DMD: variants seen among roughly 807,000 people sequenced by gnomAD.
The protein encoded by DMD is dystrophin.
A neutral mutation model predicts 330.1 loss-of-function variants in DMD; 63 were observed. The observed-to-expected ratio is 0.19, with a 90% CI of 0.16 to 0.24. DMD has a LOEUF of 0.24. Ranked by LOEUF, DMD falls within the 10% of genes least tolerant of loss-of-function variation. The probability of loss-of-function intolerance (pLI) is 1.00; values close to 1 mark genes in which losing one functional copy is unlikely to be tolerated. For synonymous variants in DMD, 1,223 were observed against 959.8 expected (o/e 1.27, Z -5.07); for missense variants, 3,344 against 2,684.1 (o/e 1.25, Z -5.43).
chrX:33,204,208 A>G (rs1274624595), intron 1 of DMD, among the ~76,000 whole-genome samples: 2 of 111,964 alleles, frequency 1.8e-5, no homozygotes, highest in Non-Finnish European at 3.8e-5. Context: ...AAGGCTGTCC[A>G]TTGATCTTAG....
At chrX:31,684,167 G>A (rs1394161322) in intron 52 of DMD, among the ~76,000 whole-genome samples, 1 of 111,751 alleles carries the variant, frequency 8.9e-6, no homozygotes, top group African/African-American at 3.3e-5. Flanking sequence ...AAATCTTACT[G>A]TAGGAGATTA....
chrX:32,106,316 A>G (rs1346431345), intron 44 of DMD, among the ~76,000 whole-genome samples: 10 of 112,036 alleles, frequency 8.9e-5, no homozygotes, highest in East Asian at 2.8e-4. Context: ...TATAAAATTA[A>G]CCTCTACCCA....
At chrX:32,060,381 T>C (rs992121737) in intron 44 of DMD, among the ~76,000 whole-genome samples, 1 of 111,514 alleles carries the variant, frequency 9.0e-6, no homozygotes, top group Non-Finnish European at 1.9e-5. Context: ...AACCAATACC[T>C]TCTACAGCTA....
intron 31 of DMD, 131 bp from the exon 32 acceptor site, chrX:32,389,805 T>G (rs1315963173): frequency 4.4e-6 from 3 of 676,203 alleles, no homozygotes; most frequent in African/African-American, 2.2e-5. Context: ...AAAGCAGTAT[T>G]TTTCCATTCA....
At chrX:32,879,649 G>A (rs1427714472) in intron 2 of DMD, among the ~76,000 whole-genome samples, 3 of 110,487 alleles carry the variant, frequency 2.7e-5, no homozygotes, top group South Asian at 4.0e-4. Flanking sequence ...GAAGTTCAGC[G>A]TTTTTGTTTT....
chrX:33,267,139 C>T (rs1044624571), intron 1 of DMD, among the ~76,000 whole-genome samples: 2 of 111,249 alleles, frequency 1.8e-5, no homozygotes, highest in African/African-American at 3.3e-5. Flanking sequence ...ACAATTTTAA[C>T]GAGGTTTCAA....
chrX:31,798,747 A>G (rs2091939399), intron 50 of DMD, among the ~76,000 whole-genome samples: 1 of 111,455 alleles, frequency 9.0e-6, no homozygotes, highest in African/African-American at 3.3e-5. Context: ...TATACATTTA[A>G]CATCATTTTA....
intron 44 of DMD, among the ~76,000 whole-genome samples, chrX:32,188,872 TG>T (rs754533638): frequency 2.6e-4 from 29 of 110,828 alleles, no homozygotes; most frequent in Non-Finnish European, 5.3e-4. Context: ...TTAACTTGGC[TG>T]GTATTGCAAG....
intron 21 of DMD, among the ~76,000 whole-genome samples, chrX:32,479,554 T>A (rs745372528): frequency 9.1e-6 from 1 of 110,492 alleles, no homozygotes; most frequent in African/African-American, 3.3e-5. Flanking sequence ...TTTGCCTGGC[T>A]CATTTCAGCT....
At chrX:32,305,261 AAC>A (rs1345329610) in intron 42 of DMD, among the ~76,000 whole-genome samples, 2 of 111,546 alleles carry the variant, frequency 1.8e-5, no homozygotes, top group African/African-American at 3.2e-5. Context: ...AGAGCTGTGA[AAC>A]AGATTCCAGA....
At chrX:32,450,775 A>G (rs776752524) in intron 26 of DMD, among the ~76,000 whole-genome samples, 4 of 111,289 alleles carry the variant, frequency 3.6e-5, no homozygotes, top group Non-Finnish European at 5.7e-5. Context: ...ATTACAATTT[A>G]TGCTCATTAT....
chrX:31,367,192 CG>C (rs1480134097), intron 60 of DMD, among the ~76,000 whole-genome samples: 1 of 111,050 alleles, frequency 9.0e-6, no homozygotes, highest in Non-Finnish European at 1.9e-5. Flanking sequence ...ATAAAATAAC[CG>C]GGGGAAAATC....
intron 50 of DMD, among the ~76,000 whole-genome samples, chrX:31,776,177 G>A (rs2090646552): frequency 9.0e-6 from 1 of 111,429 alleles, no homozygotes; most frequent in Non-Finnish European, 1.9e-5. Flanking sequence ...AGGATGAAAA[G>A]AGAGCTAAAT....
intron 9 of DMD, among the ~76,000 whole-genome samples, chrX:32,692,811 C>A (rs1444273430): frequency 1.8e-5 from 2 of 111,881 alleles, no homozygotes; most frequent in East Asian, 2.8e-4. Context: ...TCAGATCAGA[C>A]CACAAAATCT....
chrX:32,732,379 A>T (rs1480666767), intron 7 of DMD, among the ~76,000 whole-genome samples: 1 of 110,994 alleles, frequency 9.0e-6, no homozygotes, highest in African/African-American at 3.3e-5. Flanking sequence ...CTAGCAAGGC[A>T]GGCCAACATT....
chrX:32,500,037 C>T (rs1444762911), intron 19 of DMD, among the ~76,000 whole-genome samples: 2 of 110,472 alleles, frequency 1.8e-5, no homozygotes, highest in Admixed American at 9.7e-5. Flanking sequence ...AGCCTAATGA[C>T]GTATCAGTTC....
chrX:32,259,397 A>C (rs1364907769), intron 43 of DMD, among the ~76,000 whole-genome samples: 1 of 111,348 alleles, frequency 9.0e-6, no homozygotes, highest in Non-Finnish European at 1.9e-5. Context: ...ATTTTAATAC[A>C]AATACCCTAT....
chrX:32,388,956 C>T (rs1052574566), intron 32 of DMD, among the ~76,000 whole-genome samples: 1 of 110,651 alleles, frequency 9.0e-6, no homozygotes, highest in African/African-American at 3.3e-5. Context: ...CCTTTTAATT[C>T]GGTGTTGTCT....
intron 2 of DMD, among the ~76,000 whole-genome samples, chrX:32,999,806 C>CAAAAAACA (rs2093230779): frequency 4.1e-5 from 4 of 97,624 alleles, no homozygotes; most frequent in Middle Eastern, 5.1e-3. Context: ...AAACAAAAAA[C>CAAAAAACA]AAAAAAAAAA....
Sources: gnomAD v4.1 joint callset for allele counts (sites outside exome capture counted in the v4.1 genomes callset) on GRCh38, gnomAD v4.1.1 for gene constraint, MANE v1.5 for transcripts, NCBI Gene and HGNC (gene_info 2026-07-23, HGNC 2026-07-21) for gene names.